LTBP1: variants seen among roughly 807,000 people sequenced by gnomAD.
The protein encoded by LTBP1 is latent transforming growth factor beta binding protein 1.
Under a neutral mutation model 207.6 loss-of-function variants are expected in LTBP1, and 129 were observed. That is an observed-to-expected ratio of 0.62 (90% confidence interval 0.54 to 0.72). The LOEUF is 0.72. Ranked by LOEUF, LTBP1 falls within the 30% of genes least tolerant of loss-of-function variation. The pLI, the probability that LTBP1 is intolerant of heterozygous loss-of-function variation, is 0.00. For missense variants in LTBP1, 2,281 were observed against 2,217.2 expected, an observed-to-expected ratio of 1.03 and a Z score of -0.58; for synonymous variants, 963 against 833.7, an observed-to-expected ratio of 1.16 and a Z score of -2.67.
chr2:33,161,169 C>T (rs2084430644), intron 5 of LTBP1, among the ~76,000 whole-genome samples: 2 of 151,374 alleles, frequency 1.3e-5, no homozygotes, highest in Non-Finnish European at 2.9e-5. Flanking sequence ...GAGTAGATGA[C>T]ATAATAGCTA....
intron 3 of LTBP1, among the ~76,000 whole-genome samples, chr2:33,099,845 A>G (rs2079614364): frequency 6.6e-6 from 1 of 152,150 alleles, no homozygotes; most frequent in South Asian, 2.1e-4. Context: ...GTAAGAGGGA[A>G]AATTGTGAAC....
In LTBP1 at chr2:33,342,867, T is replaced by G; in HGVS notation, c.3760T>G (p.Cys1254Gly). ...DIDECVNNTV[C>G]DSHGFCDNTA... ...TGATGAATGTGTAAACAACACTGTT[T>G]GTGACAGTCACGGGTTTTGTGACAA... The change falls in exon 25 of 34, where the codon TGT becomes GGT. Residue 1254 changes from cysteine (C) to glycine (G), a missense_variant. By Grantham distance (159) the Cys-to-Gly change is radical (BLOSUM62 -3). Coordinates refer to ENST00000404816, the MANE Select transcript of LTBP1 (RefSeq NM_206943.4). 6.2e-7 allele frequency: 1 copy of G among 1,614,148 alleles called. No homozygotes were observed. The highest frequency in any genetic ancestry group is 2.2e-5 in the East Asian group (1 of 44,880).
intron 2 of LTBP1, among the ~76,000 whole-genome samples, chr2:33,020,465 T>G (rs2075111611): frequency 1.3e-5 from 2 of 152,224 alleles, no homozygotes; most frequent in African/African-American, 4.8e-5. Context: ...AGCATTTTCT[T>G]ACGATTTTTC....
At chr2:33,077,524 G>T (rs1051618968) in intron 3 of LTBP1, among the ~76,000 whole-genome samples, 1 of 152,112 alleles carries the variant, frequency 6.6e-6, no homozygotes, top group East Asian at 1.9e-4. Context: ...GGAAGAGAGA[G>T]GGGGGTGAGG....
intron 2 of LTBP1, among the ~76,000 whole-genome samples, chr2:32,988,108 C>A (rs1034190288): frequency 6.6e-5 from 10 of 152,224 alleles, no homozygotes; most frequent in Non-Finnish European, 1.5e-5. Context: ...GGAACAGCTT[C>A]TCCCTAGGGA....
chr2:33,067,444 A>G (rs1443776495), intron 3 of LTBP1, among the ~76,000 whole-genome samples: 1 of 152,244 alleles, frequency 6.6e-6, no homozygotes, highest in South Asian at 2.1e-4. Flanking sequence ...CTCTGTTTGC[A>G]TACCAGTTGT....
intron 4 of LTBP1, among the ~76,000 whole-genome samples, chr2:33,124,409 CA>C (rs150446006): frequency 0.046 from 6,488 of 141,596 alleles, 162 homozygotes; most frequent in Non-Finnish European, 0.061. Flanking sequence ...GACTCCGTCT[CA>C]AAAAAAAAAA....
intron 32 of LTBP1, 96 bp downstream of exon 32, chr2:33,389,402 A>G (rs1049277144): frequency 1.2e-5 from 19 of 1,526,466 alleles, no homozygotes; most frequent in African/African-American, 1.2e-4. Context: ...GCAATGCAGC[A>G]TTTCTGGTCC....
intron 2 of LTBP1, among the ~76,000 whole-genome samples, chr2:32,996,051 A>C (rs1000287543): frequency 1.3e-5 from 2 of 152,200 alleles, no homozygotes; most frequent in African/African-American, 4.8e-5. Context: ...GTATCGATAT[A>C]GTTACCAAGA....
chr2:33,209,817 C>A (rs1263715051), intron 7 of LTBP1, among the ~76,000 whole-genome samples: 1 of 152,140 alleles, frequency 6.6e-6, no homozygotes, highest in Non-Finnish European at 1.5e-5. Context: ...CTAATACAAG[C>A]CCAGTGGGGC....
chr2:33,337,473 C>A (rs1415312606), intron 24 of LTBP1, among the ~76,000 whole-genome samples: 1 of 152,184 alleles, frequency 6.6e-6, no homozygotes, highest in Non-Finnish European at 1.5e-5. Context: ...GGGATCGATT[C>A]TCCTTGGTTT....
chr2:33,385,129 C>T (rs1036347731), intron 31 of LTBP1, among the ~76,000 whole-genome samples: 1 of 152,162 alleles, frequency 6.6e-6, no homozygotes. Context: ...ATTGTTCATA[C>T]TTTATCACTG....
chr2:33,236,348 G>C (rs905618211), intron 9 of LTBP1, among the ~76,000 whole-genome samples: 1 of 152,166 alleles, frequency 6.6e-6, no homozygotes, highest in Non-Finnish European at 1.5e-5. Flanking sequence ...CTGATTTGAA[G>C]GTGTTAACTG....
rs1006008446 is a variant in LTBP1, at chr2:33,053,493, G to A, written c.863+32287G>A. Among the ~76,000 whole-genome samples the A allele has an allele frequency of 1.1e-4, 17 of 151,868 alleles. 1 individual carries two copies. The highest frequency in any genetic ancestry group is 3.4e-3 in the Middle Eastern group (1 of 294). ...AGGTGACAGCGTGCTGGCAGCCCTC[G>A]CAGCCCTCGCTCGCTCTCGGTGCTT... On this transcript the variant is annotated intron_variant, in intron 3 of 33. Coordinates refer to ENST00000404816, the MANE Select transcript of LTBP1 (RefSeq NM_206943.4).
chr2:33,385,320 C>T (rs914341390), intron 31 of LTBP1, among the ~76,000 whole-genome samples: 4 of 152,156 alleles, frequency 2.6e-5, no homozygotes, highest in Admixed American at 6.5e-5. Context: ...CTCTTTACTG[C>T]ACAATTATTT....
intron 4 of LTBP1, among the ~76,000 whole-genome samples, chr2:33,125,301 G>A (rs1416043147): frequency 6.6e-6 from 1 of 152,176 alleles, no homozygotes; most frequent in Non-Finnish European, 1.5e-5. Flanking sequence ...TTCCTTGCTG[G>A]CAGAATGGAT....
At chr2:33,189,220 G>A (rs1038724593) in intron 7 of LTBP1, among the ~76,000 whole-genome samples, 2 of 152,098 alleles carry the variant, frequency 1.3e-5, no homozygotes, top group African/African-American at 4.8e-5. Context: ...GATTGAGTTG[G>A]AGTCTCACTC....
chr2:33,074,241 A>T (rs1417779314), intron 3 of LTBP1, among the ~76,000 whole-genome samples: 1 of 152,218 alleles, frequency 6.6e-6, no homozygotes, highest in Non-Finnish European at 1.5e-5. Flanking sequence ...TAGAAAAGAG[A>T]CGTAGCTGCA....
chr2:33,180,581 A>G (rs2086519924), intron 5 of LTBP1, among the ~76,000 whole-genome samples: 1 of 151,636 alleles, frequency 6.6e-6, no homozygotes, highest in Non-Finnish European at 1.5e-5. Flanking sequence ...CCTCCCAAGT[A>G]GCTGGGACTA....
Sources: allele counts gnomAD v4.1 joint callset (sites outside exome capture counted in the v4.1 genomes callset), GRCh38; gene constraint gnomAD v4.1.1; transcripts MANE v1.5; gene names NCBI Gene and HGNC (gene_info 2026-07-23, HGNC 2026-07-21).